The following DMD variants were observed in gnomAD, a reference collection of about 807,000 sequenced individuals.
DMD encodes the protein mutant dystrophin.
In DMD, 63 loss-of-function variants were observed where a neutral mutation model predicts 330.1. That is an observed-to-expected ratio of 0.19 (90% CI 0.16 to 0.24). The LOEUF (loss-of-function observed/expected upper bound fraction) is 0.24, where lower values mean the gene tolerates loss of function less well. Ranked by LOEUF, DMD falls within the 10% of genes least tolerant of loss-of-function variation. The probability of loss-of-function intolerance (pLI) is 1.00; values close to 1 mark genes in which losing one functional copy is unlikely to be tolerated. For missense variants in DMD, 3,344 were observed against 2,684.1 expected (o/e 1.25, Z -5.43); for synonymous variants, 1,223 against 959.8 (o/e 1.27, Z -5.07).
chrX:32,702,387 G>A (rs190865296), intron 7 of DMD, among the ~76,000 whole-genome samples: 3 of 111,554 alleles, frequency 2.7e-5, no homozygotes, highest in Non-Finnish European at 3.8e-5. Context: ...ATTCGGGGCA[G>A]TGGGAATATG....
intron 44 of DMD, among the ~76,000 whole-genome samples, chrX:32,066,472 C>G (rs1165519212): frequency 9.0e-6 from 1 of 111,131 alleles, no homozygotes; most frequent in Non-Finnish European, 1.9e-5. Context: ...TTTCTGTTAC[C>G]TGACTACCCA....
chrX:32,721,683 T>C lies in DMD; in HGVS notation c.650-22390A>G. On this transcript the variant is annotated intron_variant, in intron 7 of 78. Coordinates refer to ENST00000357033, the MANE Select transcript of DMD (RefSeq NM_004006.3). ...TTTTCTTTTGCTTTCCAGAAGCTTTTTAGATTAATGTAGTTCCACTAGTTT... is the reference window on the plus strand; with the variant it reads ...TTTTCTTTTGCTTTCCAGAAGCTTTCTAGATTAATGTAGTTCCACTAGTTT... Among the ~76,000 whole-genome samples the C allele has an allele frequency of 2.7e-5, 3 of 111,313 alleles. 1 individual carries two copies. The South Asian group carries it at 1.1e-3, about 42-fold the overall frequency.
At position 31,882,718 on chromosome X, in the gene DMD, T is replaced by C. The variant is rs191492802; in HGVS notation, c.6913-7345A>G. ...TGGGCAAAAGATTTGCATAATGACT[T>C]CACATAAGAGGATATAAAAATGGCA... On this transcript the variant is annotated intron_variant, in intron 47 of 78. Transcript: ENST00000357033. 1.7e-3 allele frequency among the ~76,000 whole-genome samples: 196 copies of C among 112,213 alleles called. No homozygotes were observed. The South Asian group carries it at 0.019, about 11-fold the overall frequency.
intron 60 of DMD, among the ~76,000 whole-genome samples, chrX:31,372,494 C>G (rs1177289610): frequency 8.9e-6 from 1 of 112,001 alleles, no homozygotes; most frequent in Non-Finnish European, 1.9e-5. Flanking sequence ...AATTAGGCCT[C>G]TTTCGGAGAG....
intron 55 of DMD, among the ~76,000 whole-genome samples, chrX:31,608,600 T>C (rs181478891): frequency 9.9e-4 from 111 of 112,071 alleles, no homozygotes; most frequent in Non-Finnish European, 3.8e-4. Context: ...AGAATAAAGC[T>C]CAATGGCTTT....
At chrX:32,718,281 T>G (rs1363315117) in intron 7 of DMD, among the ~76,000 whole-genome samples, 1 of 111,088 alleles carries the variant, frequency 9.0e-6, no homozygotes, top group Non-Finnish European at 1.9e-5. Context: ...CAGATTTCCC[T>G]CTTACTGTTC....
At chrX:31,887,421 TAAC>T (rs762139748) in intron 47 of DMD, among the ~76,000 whole-genome samples, 4 of 112,151 alleles carry the variant, frequency 3.6e-5, no homozygotes, top group Non-Finnish European at 7.5e-5. Flanking sequence ...AAATGGTTCT[TAAC>T]AATCTGACGC....
intron 1 of DMD, among the ~76,000 whole-genome samples, chrX:33,259,194 A>C (rs1196202317): frequency 1.8e-5 from 2 of 110,488 alleles, no homozygotes; most frequent in Non-Finnish European, 3.8e-5. Context: ...TTTTACGTTC[A>C]CAGCAGGACT....
Position 32,962,084 on chromosome X carries a change from C to CA in DMD, c.93+58054dup, listed in dbSNP as rs759747810. On this transcript the variant is annotated intron_variant, in intron 2 of 78. Transcript: ENST00000357033. ...ACAAAAGCATAGGACTACAAAATGGCAAAAAACATGATTATAGTGTATACA... is the reference window on the plus strand; with the variant it reads ...ACAAAAGCATAGGACTACAAAATGGCAAAAAAACATGATTATAGTGTATACA... Among the ~76,000 whole-genome samples the CA allele has an allele frequency of 2.8e-3, 313 of 110,972 alleles. 1 individual carries two copies. Among genetic ancestry groups the CA allele is most frequent in the Middle Eastern group, 0.014 (3 of 216 alleles).
chrX:32,133,801 TAGAAAG>T lies in DMD; in HGVS notation c.6438+83109_6438+83114del, dbSNP rs1369698818. 2.7e-4 allele frequency among the ~76,000 whole-genome samples: 30 copies of T among 111,212 alleles called. 1 individual carries two copies. Among genetic ancestry groups the T allele is most frequent in the Non-Finnish European group, 7.5e-5 (4 of 53,054 alleles). ...TCAGTCAGCATCATCTTCTCACACT[TAGAAAG>T]AGAAAAACGTCCTTACAATGGCTTC... is the stretch of plus-strand genomic sequence containing the variant. On this transcript the variant is annotated intron_variant, in intron 44 of 78. Coordinates refer to ENST00000357033, the MANE Select transcript of DMD (RefSeq NM_004006.3).
At chrX:32,934,678 A>G (rs762763062) in intron 2 of DMD, among the ~76,000 whole-genome samples, 1 of 111,624 alleles carries the variant, frequency 9.0e-6, no homozygotes, top group Admixed American at 9.5e-5. Context: ...GCTCAATAAT[A>G]AAACAAACAT....
At chrX:32,946,645 A>T (rs2146879143) in intron 2 of DMD, among the ~76,000 whole-genome samples, 1 of 112,525 alleles carries the variant, frequency 8.9e-6, no homozygotes, top group Non-Finnish European at 1.9e-5. Flanking sequence ...ATATCAAATT[A>T]ATCATATTCA....
At chrX:32,978,723 C>T (rs929536844) in intron 2 of DMD, among the ~76,000 whole-genome samples, 1 of 112,493 alleles carries the variant, frequency 8.9e-6, no homozygotes, top group Non-Finnish European at 1.9e-5. Context: ...CCTGTCTGGG[C>T]CTCCCAAAGT....
intron 60 of DMD, among the ~76,000 whole-genome samples, chrX:31,357,577 G>C (rs1602124256): frequency 9.0e-6 from 1 of 110,966 alleles, no homozygotes; most frequent in East Asian, 2.8e-4. Context: ...AGGCTGGAAG[G>C]GGGAATTTGC....
At chrX:32,861,028 T>C (rs2082038153) in intron 2 of DMD, among the ~76,000 whole-genome samples, 1 of 112,094 alleles carries the variant, frequency 8.9e-6, no homozygotes, top group Non-Finnish European at 1.9e-5. Flanking sequence ...ATGTTGACTG[T>C]ACACCCAGAA....
rs36164865 is a variant in DMD, at chrX:31,778,565, A to ATTTTTTTTTT, written c.7310-4383_7310-4374dup. On this transcript the variant is annotated intron_variant, in intron 50 of 78. Transcript: ENST00000357033. ...AGGACAGAAGTTTTGAAGTCCTGAA[A>ATTTTTTTTTT]TTTTTTTTTTTTTTTTTTTTTTTTG... Among the ~76,000 whole-genome samples, 6 of 63,045 alleles carry ATTTTTTTTTT rather than the reference A, an allele frequency of 9.5e-5. No individual in the cohort carries two copies. In the East Asian group the frequency reaches 2.3e-3, roughly 24 times the overall value. 54.7% of individuals were successfully genotyped at this position (63,045 alleles called of 115,157 possible).
chrX:32,693,744 G>A (rs2063451778), intron 9 of DMD, among the ~76,000 whole-genome samples: 1 of 111,926 alleles, frequency 8.9e-6, no homozygotes, highest in Non-Finnish European at 1.9e-5. Flanking sequence ...CCAGCTCGCG[G>A]TGTAGTTTGT....
At chrX:32,657,618 G>C (rs1169928100) in intron 9 of DMD, among the ~76,000 whole-genome samples, 2 of 111,839 alleles carry the variant, frequency 1.8e-5, no homozygotes, top group African/African-American at 6.5e-5. Context: ...GAAGAAGGAT[G>C]AACATAATAA....
chrX:33,014,022 T>C (rs1010694072), intron 2 of DMD, among the ~76,000 whole-genome samples: 1 of 112,117 alleles, frequency 8.9e-6, no homozygotes, highest in Admixed American at 9.5e-5. Flanking sequence ...TCAAAAACTT[T>C]AGTTCTGAAA....
Sources: allele counts gnomAD v4.1 joint callset (sites outside exome capture counted in the v4.1 genomes callset), GRCh38; gene constraint gnomAD v4.1.1; transcripts MANE v1.5; gene names NCBI Gene and HGNC (gene_info 2026-07-23, HGNC 2026-07-21).